PSD3: variants seen among roughly 807,000 people sequenced by gnomAD.
PSD3 encodes pleckstrin and Sec7 domain containing 3.
A neutral mutation model predicts 105.5 loss-of-function variants in PSD3; 49 were observed. The observed-to-expected ratio is 0.46, with a 90% CI of 0.37 to 0.59. The LOEUF (loss-of-function observed/expected upper bound fraction) is 0.59, where lower values mean the gene tolerates loss of function less well. PSD3 is among the 20% of genes least tolerant of loss of function. PSD3 has a pLI of 0.00. For missense variants in PSD3, 1,561 were observed against 1,263.8 expected (o/e 1.24, Z -3.57); for synonymous variants, 557 against 457.8 (o/e 1.22, Z -2.77).
intron 2 of PSD3, among the ~76,000 whole-genome samples, chr8:18,922,495 G>A (rs1367941971): frequency 2.0e-5 from 3 of 152,130 alleles, no homozygotes; most frequent in Non-Finnish European, 4.4e-5. Context: ...AACCTACACA[G>A]AAGACTTCTG....
intron 9 of PSD3, among the ~76,000 whole-genome samples, chr8:18,709,652 T>C (rs979074893): frequency 1.3e-5 from 2 of 152,154 alleles, no homozygotes; most frequent in African/African-American, 4.8e-5. Flanking sequence ...CAGGCAACCA[T>C]CTTTGCTGTT....
chr8:18,946,770 G>C (rs1419745214), intron 1 of PSD3, among the ~76,000 whole-genome samples: 2 of 151,310 alleles, frequency 1.3e-5, no homozygotes, highest in East Asian at 2.0e-4. Flanking sequence ...CTAGGTGCTG[G>C]GGGGAGTGCC....
intron 9 of PSD3, among the ~76,000 whole-genome samples, chr8:18,683,332 C>T (rs1319256639): frequency 1.3e-5 from 2 of 152,138 alleles, no homozygotes; most frequent in Non-Finnish European, 2.9e-5. Flanking sequence ...GCTCCACAGA[C>T]TGGGGGCTGG....
intron 2 of PSD3, among the ~76,000 whole-genome samples, chr8:18,888,312 A>C (rs1818566449): frequency 4.6e-5 from 7 of 152,204 alleles, no homozygotes; most frequent in Admixed American, 4.6e-4. Context: ...CAATGCCTTA[A>C]AACTTTCCAG....
At chr8:18,925,453 A>G (rs974458933) in intron 2 of PSD3, among the ~76,000 whole-genome samples, 3 of 152,096 alleles carry the variant, frequency 2.0e-5, no homozygotes, top group African/African-American at 7.2e-5. Context: ...AATTTTTTGG[A>G]AAAATGTTAA....
At chr8:18,895,264 C>T (rs1482044791) in intron 2 of PSD3, among the ~76,000 whole-genome samples, 2 of 152,312 alleles carry the variant, frequency 1.3e-5, no homozygotes, top group East Asian at 1.9e-4. Flanking sequence ...CCATGTCACA[C>T]ATTTAACATG....
chr8:18,546,390 T>G (rs1334900837), intron 15 of PSD3, among the ~76,000 whole-genome samples: 1 of 152,148 alleles, frequency 6.6e-6, no homozygotes, highest in Non-Finnish European at 1.5e-5. Flanking sequence ...CATGTCCAAT[T>G]TTGAGCTTGT....
At chr8:18,928,441 A>G (rs1821516805) in intron 2 of PSD3, among the ~76,000 whole-genome samples, 1 of 152,192 alleles carries the variant, frequency 6.6e-6, no homozygotes, top group Non-Finnish European at 1.5e-5. Context: ...TAGCAGCGTG[A>G]GAACAGACTA....
At position 18,701,475 on chromosome 8, in the gene PSD3, A is replaced by C. The variant is rs62495796; in HGVS notation, c.2173-45790T>G. Among the ~76,000 whole-genome samples, 624 of 152,326 alleles carry C rather than the reference A, an allele frequency of 4.1e-3. 2 individuals carry two copies. The highest frequency in any genetic ancestry group is 7.1e-3 in the Non-Finnish European group (484 of 68,024). ...CACAATTGAAAACATACTATGTATC[A>C]AGAAACCTTTTATACAGAATGGAAC... On this transcript the variant is annotated intron_variant, in intron 9 of 15. Transcript: ENST00000327040.
rs74548929 is a variant in PSD3, at chr8:18,536,179, A to G, written c.2929-221T>C. Among the ~76,000 whole-genome samples the G allele has an allele frequency of 5.4e-3, 825 of 152,350 alleles. 2 individuals carry two copies. Among genetic ancestry groups the G allele is most frequent in the African/African-American group, 0.019 (779 of 41,584 alleles). On this transcript the variant is annotated intron_variant, in intron 15 of 15. Transcript: ENST00000327040. ...AAATTAAGTTAGAATTTTAGTTCTC[A>G]TTTGTTCTAGATTCTGACAGAATGT...
At chr8:18,930,569 ATT>A (rs5889836) in intron 2 of PSD3, among the ~76,000 whole-genome samples, 8,980 of 133,010 alleles carry the variant, frequency 0.068, 257 homozygotes, top group African/African-American at 0.1. Flanking sequence ...AACTTTTTCA[ATT>A]TTTTTTTTTT....
intron 9 of PSD3, among the ~76,000 whole-genome samples, chr8:18,673,237 G>A (rs1439711968): frequency 6.6e-5 from 10 of 151,464 alleles, no homozygotes; most frequent in South Asian, 2.1e-4. Flanking sequence ...CACCCTGCCC[G>A]TCTCTTTCTT....
At chr8:18,926,871 CT>C (rs1417702256) in intron 2 of PSD3, among the ~76,000 whole-genome samples, 3 of 152,108 alleles carry the variant, frequency 2.0e-5, no homozygotes, top group Admixed American at 6.5e-5. Context: ...TACCCCACCC[CT>C]AACCCCATGC....
At chr8:18,564,299 G>T (rs191579767) in intron 14 of PSD3, among the ~76,000 whole-genome samples, 5 of 152,122 alleles carry the variant, frequency 3.3e-5, no homozygotes, top group Non-Finnish European at 7.3e-5. Flanking sequence ...GATCTAGGTA[G>T]AATATGACAA....
chr8:18,573,601 C>G (rs140753658), intron 13 of PSD3, among the ~76,000 whole-genome samples: 8 of 152,256 alleles, frequency 5.3e-5, no homozygotes, highest in Middle Eastern at 6.8e-3. Context: ...ATGCACACAA[C>G]TGAACAGTAT....
At chr8:18,913,070 CACACACACACACACAA>C (rs1231938145) in intron 2 of PSD3, among the ~76,000 whole-genome samples, 35 of 129,522 alleles carry the variant, frequency 2.7e-4, no homozygotes, top group African/African-American at 9.8e-4. Flanking sequence ...ACTTTATAAA[CACACACACACACACAA>C]ACACACACAC....
chr8:19,082,086 C>G (rs559764714), intron 1 of PSD3, among the ~76,000 whole-genome samples: 1 of 152,310 alleles, frequency 6.6e-6, no homozygotes, highest in South Asian at 2.1e-4. Context: ...GTAATTCTCA[C>G]ACACTCATCT....
At chr8:18,797,571 C>G (rs966495052) in intron 8 of PSD3, among the ~76,000 whole-genome samples, 2 of 152,106 alleles carry the variant, frequency 1.3e-5, no homozygotes, top group African/African-American at 4.8e-5. Context: ...ATCAAGCATG[C>G]TGAGATATCT....
chr8:18,688,243 A>G (rs972446693), intron 9 of PSD3, among the ~76,000 whole-genome samples: 2 of 147,712 alleles, frequency 1.4e-5, no homozygotes, highest in African/African-American at 2.6e-5. Flanking sequence ...ACCTGGCACG[A>G]TCACGTCAGG....
Sources: allele counts gnomAD v4.1 joint callset (sites outside exome capture counted in the v4.1 genomes callset), GRCh38; gene constraint gnomAD v4.1.1; transcripts MANE v1.5; gene names NCBI Gene and HGNC (gene_info 2026-07-23, HGNC 2026-07-21).